PBRM1: variants seen among roughly 807,000 people sequenced by gnomAD.
PBRM1 encodes protein polybromo-1.
PBRM1 carries 27 observed loss-of-function variants against 194.5 expected under a neutral mutation model. That is an observed-to-expected ratio of 0.14 (90% confidence interval 0.10 to 0.19). PBRM1 has a LOEUF of 0.19. Among genes scored for constraint, PBRM1 ranks in the 10% least tolerant of loss-of-function variants. PBRM1 has a pLI of 1.00. For synonymous variants in PBRM1, 655 were observed against 693.2 expected (o/e 0.94, Z 0.87); for missense variants, 1,466 against 2,077.2 (o/e 0.71, Z 5.72).
chr3:52,591,898 C>G (rs1002613176), intron 17 of PBRM1, among the ~76,000 whole-genome samples: 1 of 146,218 alleles, frequency 6.8e-6, no homozygotes, highest in Non-Finnish European at 1.5e-5. Flanking sequence ...GCCATCTCGG[C>G]TCACTGCAAC....
chr3:52,590,647 T>G (rs2092936610), intron 17 of PBRM1, among the ~76,000 whole-genome samples: 1 of 151,356 alleles, frequency 6.6e-6, no homozygotes. Context: ...TTCTTTTTCT[T>G]TTTTTAGACA....
Position 52,627,483 on chromosome 3 carries a change from C to A in PBRM1, c.1444-113G>T, listed in dbSNP as rs1430561795. ...TCACTCAGAAAAATACAATCACATG[C>A]AGGATGTACAAAATGAAAGAGTCAT... On this transcript the variant is annotated intron_variant, in intron 12 of 29. Transcript: ENST00000296302. 9.6e-6 allele frequency: 6 copies of A among 626,366 alleles called. No homozygotes were observed. The East Asian group carries it at 1.3e-4, about 14-fold the overall frequency. The allele number at this position is 626,366 out of a possible 1,614,324, so 38.8% of individuals were successfully genotyped here.
At chr3:52,681,805 G>T, upstream of PBRM1, 2 of 675,576 alleles carry the variant, frequency 3.0e-6, no homozygotes, top group Non-Finnish European at 3.7e-6. Flanking sequence ...CTGATTCAGT[G>T]TTAGTATATT....
intron 24 of PBRM1, among the ~76,000 whole-genome samples, chr3:52,562,326 C>A (rs1465831954): frequency 1.2e-4 from 15 of 122,304 alleles, no homozygotes; most frequent in Admixed American, 4.9e-4. Flanking sequence ...GACTCTGTCT[C>A]AAAAAAAAAA....
chr3:52,613,015 A>T (rs536335864), intron 15 of PBRM1, among the ~76,000 whole-genome samples: 1 of 152,310 alleles, frequency 6.6e-6, no homozygotes, highest in Non-Finnish European at 1.5e-5. Context: ...CAATCAGAAG[A>T]ACTTGATAAT....
chr3:52,653,839 G>C (rs1173261164), intron 5 of PBRM1, among the ~76,000 whole-genome samples: 1 of 152,108 alleles, frequency 6.6e-6, no homozygotes, highest in African/African-American at 2.4e-5. Context: ...GAACCTGGGA[G>C]GCAGAGGTTG....
At chr3:52,667,355 T>G (rs1311317152) in intron 3 of PBRM1, among the ~76,000 whole-genome samples, 2 of 152,094 alleles carry the variant, frequency 1.3e-5, no homozygotes, top group Non-Finnish European at 2.9e-5. Context: ...TGAAAAGATA[T>G]GCACACAGTG....
At chr3:52,653,459 C>T in intron 5 of PBRM1, among the ~76,000 whole-genome samples, 1 of 151,716 alleles carries the variant, frequency 6.6e-6, no homozygotes. Context: ...TATGTTGGTG[C>T]ATGCATGTAA....
intron 17 of PBRM1, among the ~76,000 whole-genome samples, chr3:52,600,831 G>A (rs2093939424): frequency 6.6e-6 from 1 of 152,092 alleles, no homozygotes; most frequent in African/African-American, 2.4e-5. Flanking sequence ...TAGAGACAGG[G>A]TTTCACCATG....
chr3:52,588,697 G>A (rs1044500633), intron 18 of PBRM1, among the ~76,000 whole-genome samples: 2 of 151,856 alleles, frequency 1.3e-5, no homozygotes, highest in Non-Finnish European at 2.9e-5. Flanking sequence ...TGGGACTACA[G>A]GCGCCCGCCA....
rs972933337 is a variant in PBRM1, at chr3:52,580,595, T to C, written c.3388-1396A>G. Among the ~76,000 whole-genome samples the C allele has an allele frequency of 3.9e-5, 6 of 152,068 alleles. No homozygotes were observed. In the South Asian group the frequency reaches 6.2e-4, roughly 16 times the overall value. On this transcript the variant is annotated intron_variant, in intron 20 of 29. Transcript: ENST00000296302. ...GCCAGGATGGTCTTGATCTCCTGAC[T>C]TCGTGATCCACCCGCCTTGGCCTCC...
At chr3:52,668,746 A>T (rs1303182745) in intron 2 of PBRM1, 101 bp from the exon 4 acceptor site, 2 of 526,468 alleles carry the variant, frequency 3.8e-6, no homozygotes, top group Non-Finnish European at 6.2e-6. Flanking sequence ...CAAGTGACAG[A>T]GCATATTAGA....
chr3:52,681,263 T>C (rs1267569333), upstream of PBRM1: 2 of 151,874 alleles, frequency 1.3e-5, no homozygotes, highest in African/African-American at 4.8e-5. Context: ...AAGAATCACA[T>C]TTGAAAATCC....
chr3:52,550,412 G>C lies in PBRM1; in HGVS notation c.4897+9C>G, dbSNP rs2153368522. ...TATTTCACAAAGGCTTATTTAGAAG[G>C]AATCTTACCTGCCAGTGTCTGATCC... On this transcript the variant is annotated intron_variant, in intron 29 of 29. Transcript: ENST00000296302. The C allele has an allele frequency of 9.0e-7, 1 of 1,115,272 alleles. No homozygotes were observed. The highest frequency in any genetic ancestry group is 1.2e-6 in the Non-Finnish European group (1 of 824,452). 69.1% of individuals were successfully genotyped at this position (1,115,272 alleles called of 1,614,324 possible).
intron 2 of PBRM1, among the ~76,000 whole-genome samples, chr3:52,675,960 A>C (rs532721470): frequency 2.0e-5 from 2 of 98,766 alleles, no homozygotes; most frequent in Admixed American, 2.3e-4. Flanking sequence ...CTAAAAATAC[A>C]AAAAATTAGC....
In PBRM1 at chr3:52,573,042, T is replaced by C. The variant is rs72947568; in HGVS notation, c.3691+3499A>G. On this transcript the variant is annotated intron_variant, in intron 22 of 29. Transcript: ENST00000296302. ...AGATGAAGTTACTTATATTTCATTA[T>C]ATGCCTGTTGTCCTACCTGATATTA... Among the ~76,000 whole-genome samples, 363 of 152,338 alleles carry C rather than the reference T, an allele frequency of 2.4e-3. 2 individuals are homozygous for C. Among genetic ancestry groups the C allele is most frequent in the African/African-American group, 8.4e-3 (348 of 41,578 alleles).
chr3:52,674,799 ATATTT>A (rs1254348140), intron 2 of PBRM1, among the ~76,000 whole-genome samples: 1 of 150,882 alleles, frequency 6.6e-6, no homozygotes, highest in African/African-American at 2.4e-5. Context: ...TACAATATAT[ATATTT>A]TATGTGTTTA....
At chr3:52,664,362 A>T (rs2153955440) in intron 3 of PBRM1, among the ~76,000 whole-genome samples, 1 of 150,368 alleles carries the variant, frequency 6.7e-6, no homozygotes, top group African/African-American at 2.4e-5. Flanking sequence ...CAAATACTAA[A>T]TTTATATTTA....
intron 2 of PBRM1, 99 bp downstream of exon 3, chr3:52,678,401 G>A: frequency 2.7e-6 from 2 of 727,844 alleles, no homozygotes. Context: ...TATCATTTAA[G>A]CCATTCCTGC....
Sources: allele counts gnomAD v4.1 joint callset (sites outside exome capture counted in the v4.1 genomes callset), GRCh38; gene constraint gnomAD v4.1.1; transcripts MANE v1.5; gene names NCBI Gene and HGNC (gene_info 2026-07-23, HGNC 2026-07-21).